Variants in HERPUD2 observed in about 807,000 individuals in gnomAD.
HERPUD2 encodes the protein homocysteine-responsive endoplasmic reticulum-resident ubiquitin-like domain member 2 protein.
In HERPUD2, 13 loss-of-function variants were observed where a neutral mutation model predicts 49.9. The observed-to-expected ratio is 0.26, with a 90% confidence interval of 0.17 to 0.41. The LOEUF is 0.41. Ranked by LOEUF, HERPUD2 falls within the 10% of genes least tolerant of loss-of-function variation. The pLI is 1.00. For missense variants in HERPUD2, 449 were observed against 492.2 expected, an observed-to-expected ratio of 0.91 and a Z score of 0.83; for synonymous variants, 172 against 171.4, an observed-to-expected ratio of 1.00 and a Z score of -0.03.
At chr7:35,645,544 G>GT (rs1785039344) in intron 5 of HERPUD2, among the ~76,000 whole-genome samples, 1 of 152,174 alleles carries the variant, frequency 6.6e-6, no homozygotes, top group African/African-American at 2.4e-5. Context: ...AGTGTGTACA[G>GT]TAAGCCCTCA....
chr7:35,676,573 T>C (rs1201967919), intron 2 of HERPUD2, among the ~76,000 whole-genome samples: 2 of 152,206 alleles, frequency 1.3e-5, no homozygotes, highest in African/African-American at 2.4e-5. Flanking sequence ...TTCATTTTAA[T>C]GGGAAATGGT....
chr7:35,674,118 G>A (rs1251095459), intron 2 of HERPUD2, among the ~76,000 whole-genome samples: 1 of 151,716 alleles, frequency 6.6e-6, no homozygotes, highest in Non-Finnish European at 1.5e-5. Context: ...TTAAGACTAT[G>A]TATTCAACAT....
intron 2 of HERPUD2, among the ~76,000 whole-genome samples, chr7:35,677,474 A>G (rs1304770746): frequency 6.6e-6 from 1 of 152,228 alleles, no homozygotes; most frequent in Non-Finnish European, 1.5e-5. Context: ...TAAGGAGATC[A>G]TTAATGACAT....
rs1786260928 is a variant in HERPUD2 at position 35,694,148 on chromosome 7, G to A, written c.147+36C>T. 3.7e-6 allele frequency: 6 copies of A among 1,612,180 alleles called. No homozygotes were observed. The East Asian group carries it at 1.3e-4, about 36-fold the overall frequency. On this transcript the variant is annotated intron_variant, in intron 2 of 8. Transcript: ENST00000311350. The stretch of plus-strand genomic sequence containing the variant: ...AGGGTACACGGCACGAAAAGCTGCT[G>A]GTCAGAGCAGCTGCCCCCAGCTTTT...
At chr7:35,642,872 G>A (rs996420488) in intron 5 of HERPUD2, among the ~76,000 whole-genome samples, 1 of 152,110 alleles carries the variant, frequency 6.6e-6, no homozygotes, top group African/African-American at 2.4e-5. Flanking sequence ...CTTAGTACCT[G>A]GGTGACCAAA....
At chr7:35,673,030 A>C (rs1486904429) in intron 3 of HERPUD2, among the ~76,000 whole-genome samples, 171 bp downstream of exon 3, 1 of 152,174 alleles carries the variant, frequency 6.6e-6, no homozygotes, top group African/African-American at 2.4e-5. Context: ...ACTGTTACCT[A>C]AACTAATAAG....
At chr7:35,670,744 T>G (rs1289033209) in intron 3 of HERPUD2, among the ~76,000 whole-genome samples, 3 of 152,116 alleles carry the variant, frequency 2.0e-5, no homozygotes, top group Non-Finnish European at 2.9e-5. Context: ...CATAATCACA[T>G]TTGCCTTAAT....
chr7:35,659,754 T>C (rs1785369270), intron 5 of HERPUD2, among the ~76,000 whole-genome samples: 2 of 152,186 alleles, frequency 1.3e-5, no homozygotes, highest in Non-Finnish European at 2.9e-5. Flanking sequence ...CATCTAGTAA[T>C]ATATTCCCTA....
At chr7:35,643,029 A>G (rs1345705263) in intron 5 of HERPUD2, among the ~76,000 whole-genome samples, 1 of 152,216 alleles carries the variant, frequency 6.6e-6, no homozygotes, top group Non-Finnish European at 1.5e-5. Flanking sequence ...GCTTATAGAA[A>G]TATGAAATAT....
intron 5 of HERPUD2, among the ~76,000 whole-genome samples, chr7:35,657,235 A>G (rs1785294045): frequency 6.6e-6 from 1 of 152,190 alleles, no homozygotes; most frequent in African/African-American, 2.4e-5. Flanking sequence ...GAAGACATAC[A>G]ATGGCAAACA....
chr7:35,676,058 T>G (rs993367077), intron 2 of HERPUD2, among the ~76,000 whole-genome samples: 7 of 152,230 alleles, frequency 4.6e-5, no homozygotes, highest in Non-Finnish European at 2.9e-5. Flanking sequence ...ATATGTAATA[T>G]CCAATGCAGC....
rs546005418 is a variant in HERPUD2 at position 35,632,825 on chromosome 7, T to C, written c.*865A>G. ...ATTCCAATTGATGGGATACATGCCC[T>C]TAATACAGAAAGTTTCCATTATTTA... On this transcript the variant is annotated 3_prime_UTR_variant, in exon 9 of 9. Transcript: ENST00000311350. 32 of 152,714 alleles carry C rather than the reference T, an allele frequency of 2.1e-4. No homozygotes were observed. The highest frequency in any genetic ancestry group is 7.2e-4 in the African/African-American group (30 of 41,564). 9.5% of individuals were successfully genotyped at this position (152,714 alleles called of 1,614,324 possible). A position where few individuals can be genotyped will look rare whatever the true frequency, so the allele number is the denominator to read the frequency against.
intron 4 of HERPUD2, among the ~76,000 whole-genome samples, chr7:35,668,831 C>A (rs556051074): frequency 1.1e-4 from 17 of 152,100 alleles, no homozygotes; most frequent in African/African-American, 4.1e-4. Context: ...AGAAGAAAAG[C>A]CTAGTCATTT....
At chr7:35,665,368 T>C (rs1251310492) in intron 5 of HERPUD2, among the ~76,000 whole-genome samples, 1 of 152,232 alleles carries the variant, frequency 6.6e-6, no homozygotes, top group African/African-American at 2.4e-5. Context: ...GATCTCAGAC[T>C]GCTGTGCTAG....
chr7:35,692,131 A>G (rs1298771781), intron 2 of HERPUD2, among the ~76,000 whole-genome samples: 1 of 152,234 alleles, frequency 6.6e-6, no homozygotes, highest in Non-Finnish European at 1.5e-5. Flanking sequence ...TGGCTACAGG[A>G]GGCAGGCAGT....
intron 2 of HERPUD2, among the ~76,000 whole-genome samples, chr7:35,680,524 G>T (rs79496619): frequency 0.015 from 2,270 of 152,248 alleles, 26 homozygotes; most frequent in Non-Finnish European, 0.022. Flanking sequence ...TCCATGGCCA[G>T]ATCTGGCTTC....
At chr7:35,686,465 G>A (rs1786047317) in intron 2 of HERPUD2, among the ~76,000 whole-genome samples, 2 of 76 alleles carry the variant, frequency 0.026, no homozygotes, top group African/African-American at 0.056. Context: ...GGGATTACAG[G>A]CGTCAGCGCA....
At chr7:35,640,558 T>C (rs928039935) in intron 5 of HERPUD2, among the ~76,000 whole-genome samples, 1 of 152,210 alleles carries the variant, frequency 6.6e-6, no homozygotes, top group African/African-American at 2.4e-5. Context: ...CTTCCCTTTT[T>C]CCCTAATAAG....
At chr7:35,689,085 T>TA (rs1176465166) in intron 2 of HERPUD2, among the ~76,000 whole-genome samples, 1 of 152,098 alleles carries the variant, frequency 6.6e-6, no homozygotes, top group African/African-American at 2.4e-5. Flanking sequence ...TTTATTATGT[T>TA]AAAAAAAGAA....
Sources: gnomAD v4.1 joint callset for allele counts (sites outside exome capture counted in the v4.1 genomes callset) on GRCh38, gnomAD v4.1.1 for gene constraint, MANE v1.5 for transcripts, NCBI Gene and HGNC (gene_info 2026-07-23, HGNC 2026-07-21) for gene names.